The following ENTREP2 variants were observed in gnomAD, a reference collection of about 807,000 sequenced individuals.
ENTREP2 encodes endosomal transmembrane epsin interactor 2, also known as protein ENTREP2.
chr15:29,573,409 A>G, the ENTREP2 span, among the ~76,000 whole-genome samples: 3 of 152,238 alleles, frequency 2.0e-5, no homozygotes, highest in Non-Finnish European at 2.9e-5. Context: ...GGCAGCCCTC[A>G]GAATCATAAG....
At chr15:29,364,892 TAAC>T in the ENTREP2 span, among the ~76,000 whole-genome samples, 1 of 152,266 alleles carries the variant, frequency 6.6e-6, no homozygotes, top group Non-Finnish European at 1.5e-5. Context: ...GTGCATTTGT[TAAC>T]AACTGGTGAA....
the ENTREP2 span, among the ~76,000 whole-genome samples, chr15:29,583,440 A>T: frequency 4.7e-4 from 72 of 152,284 alleles, no homozygotes; most frequent in South Asian, 7.7e-3. Flanking sequence ...CTGAACAATG[A>T]GAACACATGG....
At chr15:29,452,644 G>A in the ENTREP2 span, 1 of 152,300 alleles carries the variant, frequency 6.6e-6, no homozygotes, top group African/African-American at 2.4e-5. Flanking sequence ...GTAGGTGTGA[G>A]TCTGCGCTCC....
the ENTREP2 span, among the ~76,000 whole-genome samples, chr15:29,617,469 C>A: frequency 6.6e-6 from 1 of 152,174 alleles, no homozygotes. Context: ...CTCACACACA[C>A]CCAGAAAGAC....
At chr15:29,331,416 A>G in the ENTREP2 span, among the ~76,000 whole-genome samples, 1 of 151,970 alleles carries the variant, frequency 6.6e-6, no homozygotes. Flanking sequence ...GTCAGGTCAG[A>G]ACACCTGTCC....
chr15:29,444,218 GAAAGAA>G, the ENTREP2 span, among the ~76,000 whole-genome samples: 4 of 148,138 alleles, frequency 2.7e-5, no homozygotes, highest in African/African-American at 1.0e-4. Context: ...AAGAAAGAAA[GAAAGAA>G]AGAAAGAAAG....
the ENTREP2 span, among the ~76,000 whole-genome samples, chr15:29,577,862 T>C: frequency 1.3e-5 from 2 of 152,160 alleles, no homozygotes; most frequent in Non-Finnish European, 2.9e-5. Flanking sequence ...ATCCACCTTA[T>C]GAAGTACCTA....
At chr15:29,639,025 T>A in the ENTREP2 span, among the ~76,000 whole-genome samples, 1 of 152,260 alleles carries the variant, frequency 6.6e-6, no homozygotes, top group Non-Finnish European at 1.5e-5. Flanking sequence ...TTCCAATGCA[T>A]GACTCAGTGT....
At chr15:29,241,522 G>A in the ENTREP2 span, among the ~76,000 whole-genome samples, 6 of 152,100 alleles carry the variant, frequency 3.9e-5, no homozygotes, top group Non-Finnish European at 2.9e-5. Flanking sequence ...GCTCCAGTTT[G>A]TGTACTTCTT....
chr15:29,495,071 T>A, the ENTREP2 span, among the ~76,000 whole-genome samples: 1 of 152,228 alleles, frequency 6.6e-6, no homozygotes, highest in Non-Finnish European at 1.5e-5. Flanking sequence ...AGAAGTAGAA[T>A]TGTTGGATCA....
At chr15:29,654,233 C>T in the ENTREP2 span, among the ~76,000 whole-genome samples, 40 of 152,046 alleles carry the variant, frequency 2.6e-4, no homozygotes, top group Non-Finnish European at 4.6e-4. Context: ...CTGTGACTAA[C>T]GGTAAAATTG....
At chr15:29,453,411 TG>T in the ENTREP2 span, among the ~76,000 whole-genome samples, 1 of 152,204 alleles carries the variant, frequency 6.6e-6, no homozygotes, top group African/African-American at 2.4e-5. Context: ...CTGTAGCTTT[TG>T]GCCCTGATAT....
At chr15:29,582,590 C>A in the ENTREP2 span, among the ~76,000 whole-genome samples, 1 of 151,986 alleles carries the variant, frequency 6.6e-6, no homozygotes, top group African/African-American at 2.4e-5. Flanking sequence ...AGCAAGGGAA[C>A]AAAACAAATA....
chr15:29,558,522 A>G, the ENTREP2 span, among the ~76,000 whole-genome samples: 1 of 147,762 alleles, frequency 6.8e-6, no homozygotes, highest in African/African-American at 2.5e-5. Flanking sequence ...TCCCTCCCCA[A>G]CCTCCCCTCA....
At chr15:29,216,377 T>C in the ENTREP2 span, among the ~76,000 whole-genome samples, 67,024 of 151,984 alleles carry the variant, frequency 0.44, 15,175 homozygotes, top group East Asian at 0.6. Context: ...TACCTAGTGC[T>C]TCTGTGTCAC....
At chr15:29,556,768 C>CA in the ENTREP2 span, among the ~76,000 whole-genome samples, 4 of 115,116 alleles carry the variant, frequency 3.5e-5, no homozygotes, top group East Asian at 5.3e-4. Flanking sequence ...AGGTGCCCCC[C>CA]CCCCGCCCCA....
chr15:29,144,959 G>A, the ENTREP2 span, among the ~76,000 whole-genome samples: 1 of 152,154 alleles, frequency 6.6e-6, no homozygotes, highest in African/African-American at 2.4e-5. Context: ...AGGAGGCTGA[G>A]GCAGGAGAAT....
chr15:29,493,888 A>G, the ENTREP2 span, among the ~76,000 whole-genome samples: 1 of 152,018 alleles, frequency 6.6e-6, no homozygotes, highest in African/African-American at 2.4e-5. Flanking sequence ...GAGGCAGGAG[A>G]GTTGCTTGAA....
the ENTREP2 span, among the ~76,000 whole-genome samples, chr15:29,340,673 T>C: frequency 6.6e-6 from 1 of 152,224 alleles, no homozygotes; most frequent in Non-Finnish European, 1.5e-5. Flanking sequence ...CGTAGGAAGC[T>C]TCTACCATCT....
Sources: gnomAD v4.1 joint callset for allele counts (sites outside exome capture counted in the v4.1 genomes callset) on GRCh38, gnomAD v4.1.1 for gene constraint, MANE v1.5 for transcripts, NCBI Gene and HGNC (gene_info 2026-07-23, HGNC 2026-07-21) for gene names.